The following EPB41 variants were observed in gnomAD, a reference collection of about 807,000 sequenced individuals.
EPB41 encodes erythrocyte membrane protein band 4.1, also known as protein 4.1.
In EPB41, 65 loss-of-function variants were observed where a neutral mutation model predicts 108.0. That is an observed-to-expected ratio of 0.60 (90% CI 0.49 to 0.74). The LOEUF (loss-of-function observed/expected upper bound fraction) is 0.74, where lower values mean the gene tolerates loss of function less well. EPB41 is among the 30% of genes least tolerant of loss of function. The pLI is 0.00. For missense variants in EPB41, 875 were observed against 1,037.0 expected (o/e 0.84, Z 2.15); for synonymous variants, 336 against 358.9 (o/e 0.94, Z 0.72).
At chr1:29,076,999 A>G (rs1034321951) in intron 16 of EPB41, among the ~76,000 whole-genome samples, 1 of 152,176 alleles carries the variant, frequency 6.6e-6, no homozygotes, top group Non-Finnish European at 1.5e-5. Context: ...AACAAATAAT[A>G]TTTGTTTCAC....
At chr1:28,889,774 G>A (rs2089898507) in intron 1 of EPB41, 1 of 984,486 alleles carries the variant, frequency 1.0e-6, no homozygotes, top group Non-Finnish European at 1.2e-6. Context: ...GAGCCCAGGT[G>A]TGGAACCAAA....
intron 1 of EPB41, among the ~76,000 whole-genome samples, chr1:28,983,856 G>T (rs1571922630): frequency 6.6e-6 from 1 of 152,160 alleles, no homozygotes; most frequent in Non-Finnish European, 1.5e-5. Context: ...CCCTCTGCCA[G>T]TGAGGTCAGA....
chr1:28,971,247 G>A (rs1343742186), intron 1 of EPB41, among the ~76,000 whole-genome samples: 3 of 135,106 alleles, frequency 2.2e-5, no homozygotes, highest in African/African-American at 8.6e-5. Flanking sequence ...GCAGTGGCGC[G>A]ATCTTGGCTC....
At chr1:28,920,827 T>C (rs926471000) in intron 1 of EPB41, among the ~76,000 whole-genome samples, 3 of 152,096 alleles carry the variant, frequency 2.0e-5, no homozygotes, top group African/African-American at 7.2e-5. Flanking sequence ...GACTGGGTTT[T>C]GCCATCTTGA....
At chr1:29,109,900 G>A (rs927530290) in intron 18 of EPB41, among the ~76,000 whole-genome samples, 1 of 152,128 alleles carries the variant, frequency 6.6e-6, no homozygotes, top group African/African-American at 2.4e-5. Flanking sequence ...CGGGTGTGGC[G>A]GCATACACCT....
chr1:28,943,844 A>G (rs776635663), intron 1 of EPB41, among the ~76,000 whole-genome samples: 2 of 152,190 alleles, frequency 1.3e-5, no homozygotes, highest in African/African-American at 2.4e-5. Context: ...CATATGATCT[A>G]GTGATCCCAC....
chr1:28,975,793 C>A (rs1047240488), intron 1 of EPB41, among the ~76,000 whole-genome samples: 13 of 151,720 alleles, frequency 8.6e-5, no homozygotes, highest in Non-Finnish European at 1.6e-4. Flanking sequence ...ACGGTGAAAC[C>A]CCGTCTCTAA....
At chr1:29,087,131 C>T (rs1467116746) in intron 16 of EPB41, among the ~76,000 whole-genome samples, 1 of 151,684 alleles carries the variant, frequency 6.6e-6, no homozygotes, top group Non-Finnish European at 1.5e-5. Context: ...TTAGTAGAGA[C>T]AGGGTTTTAC....
chr1:29,036,409 G>A (rs1639474975), intron 10 of EPB41, among the ~76,000 whole-genome samples: 2 of 150,740 alleles, frequency 1.3e-5, no homozygotes, highest in East Asian at 2.0e-4. Context: ...ACAGGCACCC[G>A]CCATCATGCC....
chr1:29,048,776 C>T (rs1455032422), intron 11 of EPB41, among the ~76,000 whole-genome samples: 1 of 152,082 alleles, frequency 6.6e-6, no homozygotes, highest in Non-Finnish European at 1.5e-5. Context: ...TTAGTATGTT[C>T]CAGGCACTGT....
At position 29,003,908 on chromosome 1, in the gene EPB41, G is replaced by A. The variant is rs531986350; in HGVS notation, c.786+6589G>A. On this transcript the variant is annotated intron_variant, in intron 4 of 20. Transcript: ENST00000343067. ...CTCCTAAGTAGCTGGGATTACAGGCGCCCACCACCACAGCCAGCTAATTTT... is the reference window on the plus strand; with the variant it reads ...CTCCTAAGTAGCTGGGATTACAGGCACCCACCACCACAGCCAGCTAATTTT... 2.9e-3 allele frequency among the ~76,000 whole-genome samples: 444 copies of A among 152,106 alleles called. 2 individuals are homozygous for A. Among genetic ancestry groups the A allele is most frequent in the African/African-American group, 0.01 (423 of 41,512 alleles).
rs1483171641 is a variant in EPB41, at chr1:28,987,636, A to C, written c.199A>C (p.Thr67Pro). The C allele has an allele frequency of 6.2e-7, 1 of 1,614,244 alleles. No homozygotes were observed. The highest frequency in any genetic ancestry group is 8.5e-7 in the Non-Finnish European group (1 of 1,180,048). The change falls in exon 2 of 21, where the codon ACC becomes CCC. Residue 67 changes from threonine to proline, a missense_variant. Physicochemically the swap from Thr to Pro is conservative, Grantham distance 38 (BLOSUM62 -1). Coordinates refer to ENST00000343067, the MANE Select transcript of EPB41 (RefSeq NM_001376013.1). ...AGACACTCCTACACATGAAGACTTG[A>C]CCAAGAACAAGGAGCGGACATCAGA... ...NGDTPTHEDLTKNKERTSESR... is the reference protein window; with the variant it reads ...NGDTPTHEDLPKNKERTSESR...
In EPB41 at chr1:29,017,751, T is replaced by TGG. The variant is rs1372083434; in HGVS notation, c.906-473_906-472insGG. On this transcript the variant is annotated intron_variant, in intron 6 of 20. Coordinates refer to ENST00000343067, the MANE Select transcript of EPB41 (RefSeq NM_001376013.1). ...GGCCTGGTTTTGGAGCCAGTCTTCA[T>TGG]TACTACCTGACACCGAGCACGCTAA... is the stretch of plus-strand genomic sequence containing the variant. 3.9e-5 allele frequency among the ~76,000 whole-genome samples: 6 copies of TGG among 152,200 alleles called. No homozygotes were observed. The East Asian group carries it at 1.2e-3, about 29-fold the overall frequency.
At chr1:29,074,439 C>T (rs1193291553) in intron 16 of EPB41, among the ~76,000 whole-genome samples, 1 of 152,108 alleles carries the variant, frequency 6.6e-6, no homozygotes, top group Non-Finnish European at 1.5e-5. Flanking sequence ...GTAGCATTAC[C>T]ATATCTGCTT....
chr1:28,948,521 A>AAAG (rs1553184032), intron 1 of EPB41, among the ~76,000 whole-genome samples: 4 of 151,088 alleles, frequency 2.6e-5, no homozygotes, highest in African/African-American at 9.7e-5. Flanking sequence ...AAAAAAAAAA[A>AAAG]AAAGAAAGAA....
chr1:28,997,309 C>T lies in EPB41; in HGVS notation c.776C>T (p.Ala259Val), dbSNP rs2149686920. The change falls in exon 4 of 21, where the codon GCA becomes GTA. Residue 259 changes from alanine to valine, a missense_variant. Transcript: ENST00000343067. ...TTTGGTCTAGCCATTTGGGATAACG[C>T]AACCTCTAAGGTGAGGAGACTGCTT... ...DYFGLAIWDNATSKTWLDSAK... is the reference protein window; with the variant it reads ...DYFGLAIWDNVTSKTWLDSAK... 7 of 1,605,748 alleles carry T rather than the reference C, an allele frequency of 4.4e-6. No homozygotes were observed. Among genetic ancestry groups the T allele is most frequent in the Non-Finnish European group, 5.1e-6 (6 of 1,172,378 alleles).
At position 29,113,231 on chromosome 1, in the gene EPB41, A is replaced by G. The variant is rs1325580025; in HGVS notation, c.2496+783A>G. On this transcript the variant is annotated intron_variant, in intron 19 of 20. Transcript: ENST00000343067. Reference sequence around the variant, plus strand: ...GTTCTCTGCTGGGTGAGGTTAGAACAGTAAAGCTGCAGAGAAGAGGGGGTG... The same window carrying G: ...GTTCTCTGCTGGGTGAGGTTAGAACGGTAAAGCTGCAGAGAAGAGGGGGTG... 5.3e-5 allele frequency among the ~76,000 whole-genome samples: 8 copies of G among 152,364 alleles called. No individual in the cohort carries two copies. The Middle Eastern group carries it at 0.01, about 194-fold the overall frequency.
chr1:28,938,780 A>G (rs1252918445), intron 1 of EPB41, among the ~76,000 whole-genome samples: 1 of 152,156 alleles, frequency 6.6e-6, no homozygotes, highest in Non-Finnish European at 1.5e-5. Context: ...TGCTAGGATT[A>G]CAGGCATGAG....
At chr1:28,965,482 A>C (rs1283534941) in intron 1 of EPB41, among the ~76,000 whole-genome samples, 1 of 152,230 alleles carries the variant, frequency 6.6e-6, no homozygotes, top group Admixed American at 6.5e-5. Context: ...AAGAGAAAGA[A>C]GATGAATGAA....
Sources: gnomAD v4.1 joint callset for allele counts (sites outside exome capture counted in the v4.1 genomes callset) on GRCh38, gnomAD v4.1.1 for gene constraint, MANE v1.5 for transcripts, NCBI Gene and HGNC (gene_info 2026-07-23, HGNC 2026-07-21) for gene names.